Variants in STK3 observed in about 807,000 individuals in gnomAD.
STK3 encodes serine/threonine-protein kinase 3.
Under a neutral mutation model 58.0 loss-of-function variants are expected in STK3, and 41 were observed. That is an observed-to-expected ratio of 0.71 (90% CI 0.55 to 0.92). The LOEUF (loss-of-function observed/expected upper bound fraction) is 0.92. Ranked by LOEUF, STK3 falls within the 40% of genes least tolerant of loss-of-function variation. The pLI is 0.00. For missense variants in STK3, 479 were observed against 602.7 expected (o/e 0.79, Z 2.15); for synonymous variants, 170 against 191.0 (o/e 0.89, Z 0.91).
intron 8 of STK3, among the ~76,000 whole-genome samples, chr8:98,573,556 T>TACAATTCAA (rs1813137618): frequency 6.6e-6 from 1 of 152,106 alleles, no homozygotes; most frequent in South Asian, 2.1e-4. Context: ...GAGATGTGGG[T>TACAATTCAA]GGCAACACAG....
chr8:98,400,776 T>TA (rs34133990), downstream of STK3, among the ~76,000 whole-genome samples: 96 of 151,528 alleles, frequency 6.3e-4, no homozygotes, highest in African/African-American at 1.6e-3. Flanking sequence ...TTGTCTTTTT[T>TA]AAAAAAAAAA....
chr8:98,652,090 A>G (rs10955189), intron 6 of STK3, among the ~76,000 whole-genome samples: 46,611 of 152,044 alleles, frequency 0.31, 7,457 homozygotes, highest in Admixed American at 0.42. Context: ...GAGAAAGGTC[A>G]AGTTACCCAC....
At chr8:98,742,167 T>A in intron 4 of STK3, among the ~76,000 whole-genome samples, 1 of 151,810 alleles carries the variant, frequency 6.6e-6, no homozygotes, top group Non-Finnish European at 1.5e-5. Context: ...GAGGAACTGG[T>A]ACCATTCCTT....
chr8:98,532,638 G>A (rs1289538192), intron 9 of STK3, among the ~76,000 whole-genome samples: 1 of 152,106 alleles, frequency 6.6e-6, no homozygotes, highest in Non-Finnish European at 1.5e-5. Context: ...TGTCTGTGAA[G>A]CACAAAAAAG....
intron 9 of STK3, among the ~76,000 whole-genome samples, chr8:98,544,534 G>A (rs1810538173): frequency 6.6e-6 from 1 of 152,054 alleles, no homozygotes; most frequent in African/African-American, 2.4e-5. Context: ...GGTCTGCTCT[G>A]TGAAATGAGA....
At chr8:98,399,055 T>A (rs570012763), downstream of STK3, among the ~76,000 whole-genome samples, 8 of 152,314 alleles carry the variant, frequency 5.3e-5, no homozygotes, top group Admixed American at 2.0e-4. Flanking sequence ...CCTCGTCTAA[T>A]GCTATAAGCA....
At chr8:98,657,552 T>C (rs988954857) in intron 6 of STK3, among the ~76,000 whole-genome samples, 6 of 151,962 alleles carry the variant, frequency 3.9e-5, no homozygotes, top group African/African-American at 1.4e-4. Context: ...CCATGAAAAA[T>C]AGATATAAAT....
chr8:98,828,182 G>A (rs1353247274), upstream of STK3, among the ~76,000 whole-genome samples: 3 of 151,678 alleles, frequency 2.0e-5, no homozygotes, highest in Non-Finnish European at 4.4e-5. Flanking sequence ...CACTATGTTG[G>A]CCAAGCTGGT....
chr8:98,554,782 C>G (rs927652156), intron 8 of STK3, among the ~76,000 whole-genome samples: 1 of 151,948 alleles, frequency 6.6e-6, no homozygotes, highest in Non-Finnish European at 1.5e-5. Flanking sequence ...AACTTTTAAG[C>G]CACAGCTTTT....
rs533545961 is a variant in STK3, at chr8:98,448,274, T to A, written n.186-11066A>T. Among the ~76,000 whole-genome samples the A allele has an allele frequency of 5.9e-5, 9 of 152,290 alleles. No homozygotes were observed. The South Asian group carries it at 1.9e-3, about 32-fold the overall frequency. ...TGTGCTTTTAAAATAAACTCCTATA[T>A]ACTTTATGGAAGGACAACAGAGAAG... On this transcript the variant is annotated intron_variant and non_coding_transcript_variant, in intron 1 of 3. Transcript: ENST00000517832.
chr8:98,456,885 C>T (rs1819532562), intron 10 of STK3, among the ~76,000 whole-genome samples: 1 of 152,214 alleles, frequency 6.6e-6, no homozygotes, highest in South Asian at 2.1e-4. Context: ...ACTCGCCATC[C>T]CTGGCCCTAT....
intron 4 of STK3, among the ~76,000 whole-genome samples, chr8:98,715,153 A>C (rs1826892520): frequency 6.6e-6 from 1 of 152,208 alleles, no homozygotes; most frequent in Non-Finnish European, 1.5e-5. Context: ...AAAGACTTAC[A>C]TGTTAGACCT....
At chr8:98,595,918 G>T in intron 7 of STK3, 114 bp downstream of exon 7, 1 of 1,194,746 alleles carries the variant, frequency 8.4e-7, no homozygotes. Context: ...CAGGAGGGGA[G>T]GGGAGGTTTA....
At chr8:98,631,911 C>T (rs1045571720) in intron 6 of STK3, among the ~76,000 whole-genome samples, 2 of 152,216 alleles carry the variant, frequency 1.3e-5, no homozygotes, top group Admixed American at 6.5e-5. Context: ...GTGATCCACC[C>T]GCCTCAGCCT....
chr8:98,904,114 T>TA (rs986184580), intron 1 of STK3, among the ~76,000 whole-genome samples: 5 of 152,098 alleles, frequency 3.3e-5, no homozygotes, highest in Middle Eastern at 3.4e-3. Context: ...AGGTCAGATA[T>TA]AAAAAAACAA....
At chr8:98,721,563 T>C (rs1299222961) in intron 4 of STK3, among the ~76,000 whole-genome samples, 2 of 151,568 alleles carry the variant, frequency 1.3e-5, no homozygotes, top group Non-Finnish European at 2.9e-5. Flanking sequence ...TATTAATATA[T>C]ATAATTATTT....
At chr8:98,839,095 G>A (rs931447598) in intron 3 of STK3, among the ~76,000 whole-genome samples, 60 of 151,814 alleles carry the variant, frequency 4.0e-4, no homozygotes, top group African/African-American at 1.4e-3. Flanking sequence ...CACCCAGGCT[G>A]GAGTCCAGTG....
the STK3 span, among the ~76,000 whole-genome samples, chr8:98,364,170 C>T: frequency 6.6e-6 from 1 of 152,150 alleles, no homozygotes; most frequent in Non-Finnish European, 1.5e-5. Flanking sequence ...AAGCAGTTTC[C>T]TATGAGGCCT....
intron 3 of STK3, among the ~76,000 whole-genome samples, chr8:98,761,145 A>G (rs1469522879): frequency 6.7e-5 from 10 of 148,936 alleles, no homozygotes; most frequent in African/African-American, 2.5e-4. Flanking sequence ...TTTTTTTGAG[A>G]CAGGGTCTGG....
Sources: gnomAD v4.1 joint callset for allele counts (sites outside exome capture counted in the v4.1 genomes callset) on GRCh38, gnomAD v4.1.1 for gene constraint, MANE v1.5 for transcripts, NCBI Gene and HGNC (gene_info 2026-07-23, HGNC 2026-07-21) for gene names.